The following ZNF804B variants were observed in gnomAD, a reference collection of about 807,000 sequenced individuals.
ZNF804B encodes zinc finger 804B.
In ZNF804B, 80 loss-of-function variants were observed where a neutral mutation model predicts 101.4. That is an observed-to-expected ratio of 0.79 (90% confidence interval 0.66 to 0.95). ZNF804B has a LOEUF of 0.95. Ranked by LOEUF, ZNF804B falls within the 40% of genes least tolerant of loss-of-function variation. The pLI is 0.00. For synonymous variants in ZNF804B, 622 were observed against 558.8 expected (o/e 1.11, Z -1.59); for missense variants, 1,673 against 1,561.9 (o/e 1.07, Z -1.20).
intron 2 of ZNF804B, among the ~76,000 whole-genome samples, chr7:89,221,806 C>A (rs1186922934): frequency 6.6e-6 from 1 of 150,990 alleles, no homozygotes; most frequent in African/African-American, 2.4e-5. Flanking sequence ...TGTTTATTGA[C>A]TTTCTGTCAT....
rs1791060342 is a variant in ZNF804B at position 88,827,053 on chromosome 7, AT to A, written c.108+66973del. On this transcript the variant is annotated intron_variant, in intron 1 of 3. Transcript: ENST00000333190. ...TGTAGATAAATATTTTTCAGATTAT[AT>A]TTTGTGACCATTATGTCTGCAAAAA... Among the ~76,000 whole-genome samples the A allele has an allele frequency of 3.9e-5, 6 of 152,266 alleles. No individual in the cohort carries two copies. In the South Asian group the frequency reaches 1.2e-3, roughly 31 times the overall value.
intron 2 of ZNF804B, among the ~76,000 whole-genome samples, chr7:89,325,115 T>G (rs570170537): frequency 6.6e-6 from 1 of 152,122 alleles, no homozygotes; most frequent in South Asian, 2.1e-4. Context: ...CAGATGATTT[T>G]TTTTTCCTAA....
At chr7:89,114,737 G>T (rs2116357330) in intron 1 of ZNF804B, among the ~76,000 whole-genome samples, 1 of 152,244 alleles carries the variant, frequency 6.6e-6, no homozygotes, top group South Asian at 2.1e-4. Context: ...TTAAGGCTGA[G>T]GGAAGAATAG....
At chr7:89,237,164 A>G (rs941387688) in intron 2 of ZNF804B, among the ~76,000 whole-genome samples, 2 of 152,206 alleles carry the variant, frequency 1.3e-5, no homozygotes, top group African/African-American at 2.4e-5. Flanking sequence ...TAATGTAAAC[A>G]TGAATAACAA....
At chr7:89,160,367 A>T (rs1791040605) in intron 1 of ZNF804B, among the ~76,000 whole-genome samples, 1 of 152,114 alleles carries the variant, frequency 6.6e-6, no homozygotes, top group Non-Finnish European at 1.5e-5. Flanking sequence ...GTATGTGATG[A>T]CACCTTGGGG....
At chr7:88,877,388 A>T (rs1297867156) in intron 1 of ZNF804B, among the ~76,000 whole-genome samples, 1 of 152,002 alleles carries the variant, frequency 6.6e-6, no homozygotes, top group Non-Finnish European at 1.5e-5. Flanking sequence ...GCAATTTGGA[A>T]ACAACTGTTA....
At chr7:89,085,570 A>C (rs1048073664) in intron 1 of ZNF804B, among the ~76,000 whole-genome samples, 5 of 151,852 alleles carry the variant, frequency 3.3e-5, no homozygotes, top group African/African-American at 9.7e-5. Context: ...TGATGTTTGG[A>C]TATTTCACTT....
rs149502480 is a variant in ZNF804B, at chr7:89,336,200, T to A, written c.3218T>A (p.Phe1073Tyr). The change falls in exon 4 of 4, where the codon TTC (phenylalanine) becomes TAC (tyrosine). Residue 1073 changes from phenylalanine (F) to tyrosine (Y), a missense_variant. By Grantham distance (22) the Phe-to-Tyr change is conservative. Coordinates refer to ENST00000333190, the MANE Select transcript of ZNF804B (RefSeq NM_181646.5). ...IQSCDPVPNEFPGAFPSNKYT... is the reference protein window; with the variant it reads ...IQSCDPVPNEYPGAFPSNKYT... ...AGCTGTGACCCAGTACCAAATGAAT[T>A]CCCTGGTGCTTTTCCGTCTAATAAA... is the stretch of plus-strand genomic sequence containing the variant. 3.1e-6 allele frequency: 5 copies of A among 1,613,730 alleles called. No homozygotes were observed. In the African/African-American group the frequency reaches 6.7e-5, roughly 22 times the overall value.
intron 1 of ZNF804B, among the ~76,000 whole-genome samples, chr7:88,801,666 T>C (rs1790585361): frequency 6.6e-6 from 1 of 152,124 alleles, no homozygotes; most frequent in African/African-American, 2.4e-5. Flanking sequence ...AATAAAATTA[T>C]GAGTTTCACG....
At chr7:88,851,791 T>C (rs536153690) in intron 1 of ZNF804B, among the ~76,000 whole-genome samples, 1 of 152,206 alleles carries the variant, frequency 6.6e-6, no homozygotes, top group South Asian at 2.1e-4. Context: ...GCAATAACAA[T>C]GCATCATGGA....
At chr7:89,179,134 G>A (rs920299790) in intron 1 of ZNF804B, among the ~76,000 whole-genome samples, 8 of 151,978 alleles carry the variant, frequency 5.3e-5, no homozygotes, top group African/African-American at 1.9e-4. Flanking sequence ...AATGTTTTGA[G>A]GTAGTTTTAT....
chr7:89,272,957 A>G (rs1163228423), intron 2 of ZNF804B, among the ~76,000 whole-genome samples: 1 of 152,114 alleles, frequency 6.6e-6, no homozygotes, highest in East Asian at 1.9e-4. Context: ...CACGGAAAAA[A>G]AAATACTATT....
At chr7:89,280,464 C>A (rs1790073962) in intron 2 of ZNF804B, among the ~76,000 whole-genome samples, 1 of 151,958 alleles carries the variant, frequency 6.6e-6, no homozygotes, top group Non-Finnish European at 1.5e-5. Flanking sequence ...ATTAATGAAT[C>A]CAGGAGCTGG....
intron 1 of ZNF804B, among the ~76,000 whole-genome samples, chr7:89,058,841 G>A (rs1789334235): frequency 1.3e-5 from 2 of 152,100 alleles, no homozygotes; most frequent in African/African-American, 4.8e-5. Flanking sequence ...CTACAGGCCT[G>A]TGCCACCATA....
intron 1 of ZNF804B, among the ~76,000 whole-genome samples, chr7:89,001,686 A>G (rs2116173306): frequency 6.6e-6 from 1 of 152,062 alleles, no homozygotes; most frequent in African/African-American, 2.4e-5. Context: ...CCATTATAAA[A>G]CTGTATGATG....
At chr7:88,794,113 A>C in intron 1 of ZNF804B, 1 of 1,327,648 alleles carries the variant, frequency 7.5e-7, no homozygotes, top group South Asian at 1.6e-5. Context: ...CAGTAACTTT[A>C]AAAATGTTTT....
At chr7:88,934,697 C>T (rs1792940273) in intron 1 of ZNF804B, among the ~76,000 whole-genome samples, 1 of 151,918 alleles carries the variant, frequency 6.6e-6, no homozygotes, top group South Asian at 2.1e-4. Flanking sequence ...GAGATACCAC[C>T]TTACTCCTGC....
chr7:88,799,479 C>A (rs1034213449), intron 1 of ZNF804B, among the ~76,000 whole-genome samples: 1 of 152,040 alleles, frequency 6.6e-6, no homozygotes, highest in Non-Finnish European at 1.5e-5. Context: ...TATCCATGAC[C>A]ATAGTGTCAT....
Position 89,337,016 on chromosome 7 carries a change from C to A in ZNF804B, c.4034C>A (p.Ser1345Tyr). 1 of 1,613,528 alleles carries A rather than the reference C, an allele frequency of 6.2e-7. No homozygotes were observed. Among genetic ancestry groups the A allele is most frequent in the Non-Finnish European group, 8.5e-7 (1 of 1,179,700 alleles). ...LNEVKEALNV[S>Y]THLN Reference sequence around the variant, plus strand: ...GAAGTGAAAGAGGCCTTAAATGTGTCCACACACTTGAACTAATAAGTGTTA... The same window carrying A: ...GAAGTGAAAGAGGCCTTAAATGTGTACACACACTTGAACTAATAAGTGTTA... The change falls in exon 4 of 4, where the codon TCC (serine) becomes TAC (tyrosine). Residue 1345 changes from serine (S) to tyrosine (Y), a missense_variant. Ser to Tyr is a moderately radical substitution (Grantham distance 144, BLOSUM62 -2). Coordinates refer to ENST00000333190, the MANE Select transcript of ZNF804B (RefSeq NM_181646.5).
Sources: gnomAD v4.1 joint callset for allele counts (sites outside exome capture counted in the v4.1 genomes callset) on GRCh38, gnomAD v4.1.1 for gene constraint, MANE v1.5 for transcripts, NCBI Gene and HGNC (gene_info 2026-07-23, HGNC 2026-07-21) for gene names.